The following DNAJC5B variants were observed in gnomAD, a reference collection of about 807,000 sequenced individuals.
The protein encoded by DNAJC5B is dnaJ homolog subfamily C member 5B.
A neutral mutation model predicts 24.7 loss-of-function variants in DNAJC5B; 23 were observed. The observed-to-expected ratio is 0.93, with a 90% CI of 0.67 to 1.32. The LOEUF is 1.32. DNAJC5B is among the 40% of genes most tolerant of loss of function. The pLI is 0.00. For missense variants in DNAJC5B, 238 were observed against 240.8 expected (o/e 0.99, Z 0.08); for synonymous variants, 101 against 90.1 (o/e 1.12, Z -0.68).
intron 5 of DNAJC5B, among the ~76,000 whole-genome samples, chr8:66,088,780 TCCTCATCTCCGTCTGAGACCA>T (rs755630084): frequency 1.9e-4 from 29 of 152,112 alleles, no homozygotes; most frequent in Non-Finnish European, 3.2e-4. Context: ...CCCAACAAGT[TCCTCATCTCCGTCTGAGACCA>T]CCTCAGCCTG....
At chr8:66,079,551 A>G (rs2128964432) in intron 4 of DNAJC5B, among the ~76,000 whole-genome samples, 1 of 152,332 alleles carries the variant, frequency 6.6e-6, no homozygotes, top group African/African-American at 2.4e-5. Context: ...GGACGTCCAG[A>G]CAGATGAATC....
At chr8:66,033,547 A>G (rs1806406277) in intron 1 of DNAJC5B, among the ~76,000 whole-genome samples, 1 of 152,140 alleles carries the variant, frequency 6.6e-6, no homozygotes, top group Non-Finnish European at 1.5e-5. Context: ...GGGTCTCCAG[A>G]CACGCATTTG....
upstream of DNAJC5B, among the ~76,000 whole-genome samples, chr8:66,019,089 C>T (rs1317462296): frequency 6.6e-6 from 1 of 152,204 alleles, no homozygotes; most frequent in Non-Finnish European, 1.5e-5. Context: ...GCATAACCCA[C>T]ACCTCCACAG....
intron 5 of DNAJC5B, among the ~76,000 whole-genome samples, chr8:66,095,193 T>C (rs1807923595): frequency 6.6e-6 from 1 of 152,086 alleles, no homozygotes; most frequent in South Asian, 2.1e-4. Context: ...TACAGGATTC[T>C]GAAGAACTTT....
At position 66,080,408 on chromosome 8, in the gene DNAJC5B, G is replaced by A. The variant is rs374416310; in HGVS notation, c.365G>A (p.Gly122Asp). Residue 122 changes from glycine to aspartate, a missense_variant, in exon 5 of 6, where the codon GGC becomes GAC. Coordinates refer to ENST00000276570, the MANE Select transcript of DNAJC5B (RefSeq NM_033105.6). ...TTTGTCATCGTTGGCCTCTTGACGG[G>A]CTGCTACTTTTGCTGCTGCCTGTGC... is the stretch of plus-strand genomic sequence containing the variant. ...ALFVIVGLLTGCYFCCCLCCC... is the reference protein window; with the variant it reads ...ALFVIVGLLTDCYFCCCLCCC... The A allele has an allele frequency of 8.7e-6, 14 of 1,613,710 alleles. No individual in the cohort carries two copies. In the Admixed American group the frequency reaches 2.3e-4, roughly 27 times the overall value.
intron 1 of DNAJC5B, among the ~76,000 whole-genome samples, chr8:66,026,967 G>A (rs961804553): frequency 4.6e-5 from 7 of 152,178 alleles, no homozygotes; most frequent in Non-Finnish European, 7.3e-5. Flanking sequence ...TGGGGTACAA[G>A]TGCAATTTTT....
chr8:66,057,771 T>C (rs1806997633), intron 3 of DNAJC5B: 1 of 152,194 alleles, frequency 6.6e-6, no homozygotes, highest in East Asian at 1.9e-4. Context: ...TGACAAAAGA[T>C]TTTTCAACTG....
At chr8:66,047,352 C>T (rs552323994) in intron 2 of DNAJC5B, among the ~76,000 whole-genome samples, 2 of 152,232 alleles carry the variant, frequency 1.3e-5, no homozygotes, top group South Asian at 2.1e-4. Context: ...CCTGAATAAC[C>T]GACACAAGAA....
chr8:66,020,321 T>C (rs1256105447), upstream of DNAJC5B, among the ~76,000 whole-genome samples: 1 of 152,242 alleles, frequency 6.6e-6, no homozygotes, highest in Non-Finnish European at 1.5e-5. Flanking sequence ...AGCTTGTAAA[T>C]GAAGCATGAT....
intron 2 of DNAJC5B, among the ~76,000 whole-genome samples, chr8:66,044,815 C>T (rs1806690051): frequency 6.6e-6 from 1 of 152,006 alleles, no homozygotes; most frequent in Non-Finnish European, 1.5e-5. Context: ...CATTGGATGC[C>T]TGATAGATGA....
At chr8:66,016,307 G>C in the DNAJC5B span, among the ~76,000 whole-genome samples, 4 of 152,174 alleles carry the variant, frequency 2.6e-5, no homozygotes, top group Non-Finnish European at 4.4e-5. Flanking sequence ...GGAGGGATCC[G>C]GTGGGAAGTG....
intron 5 of DNAJC5B, among the ~76,000 whole-genome samples, chr8:66,084,096 A>C (rs1441199376): frequency 6.6e-6 from 1 of 152,154 alleles, no homozygotes; most frequent in South Asian, 2.1e-4. Flanking sequence ...CCTTATTTGC[A>C]GTTAGTTGTA....
intron 4 of DNAJC5B, among the ~76,000 whole-genome samples, chr8:66,078,328 C>G (rs1013407777): frequency 6.6e-6 from 1 of 152,118 alleles, no homozygotes; most frequent in Non-Finnish European, 1.5e-5. Context: ...AATTTCACGG[C>G]ACCCATCAGA....
intron 3 of DNAJC5B, among the ~76,000 whole-genome samples, chr8:66,074,152 A>G (rs992185665): frequency 1.6e-4 from 25 of 152,238 alleles, no homozygotes; most frequent in Non-Finnish European, 2.9e-4. Context: ...TCCAAACGGT[A>G]TATATAACAG....
chr8:66,034,940 CA>C (rs1728580675), intron 1 of DNAJC5B, among the ~76,000 whole-genome samples: 1 of 152,152 alleles, frequency 6.6e-6, no homozygotes, highest in South Asian at 2.1e-4. Flanking sequence ...CATAGATAAC[CA>C]AAAGTTGTTG....
intron 1 of DNAJC5B, among the ~76,000 whole-genome samples, chr8:66,023,337 A>G (rs1357570356): frequency 6.6e-6 from 1 of 152,230 alleles, no homozygotes; most frequent in Non-Finnish European, 1.5e-5. Context: ...TGGTGTGGTT[A>G]TTGGTAAAAG....
At chr8:66,078,292 T>A (rs1205272039) in intron 4 of DNAJC5B, among the ~76,000 whole-genome samples, 5 of 152,176 alleles carry the variant, frequency 3.3e-5, no homozygotes, top group African/African-American at 1.2e-4. Flanking sequence ...AAAACATATC[T>A]TTTCCTTCTC....
At chr8:66,051,504 C>T (rs373730919) in intron 2 of DNAJC5B, 27 bp from the exon 3 acceptor site, 3 of 1,404,228 alleles carry the variant, frequency 2.1e-6, no homozygotes, top group East Asian at 2.3e-5. Flanking sequence ...GTGTGCATAA[C>T]CTTCATGGCT....
Position 66,051,539 on chromosome 8 carries a change from C to A in DNAJC5B, c.-9C>A. 6.2e-7 allele frequency: 1 copy of A among 1,604,424 alleles called. No individual in the cohort carries two copies. Among genetic ancestry groups the A allele is most frequent in the Non-Finnish European group, 8.5e-7 (1 of 1,172,898 alleles). On this transcript the variant is annotated 5_prime_UTR_variant, in exon 3 of 6. Transcript: ENST00000276570. ...TATTTTCTCCCCTTTAGTTTTGCAGCCTTAGAAAATGGCATGTAACATACC... is the reference window on the plus strand; with the variant it reads ...TATTTTCTCCCCTTTAGTTTTGCAGACTTAGAAAATGGCATGTAACATACC...
Sources: allele counts gnomAD v4.1 joint callset (sites outside exome capture counted in the v4.1 genomes callset), GRCh38; gene constraint gnomAD v4.1.1; transcripts MANE v1.5; gene names NCBI Gene and HGNC (gene_info 2026-07-23, HGNC 2026-07-21).